Variants in ECT2 observed in about 807,000 individuals in gnomAD.
The protein encoded by ECT2 is epithelial cell transforming 2.
ECT2 carries 61 observed loss-of-function variants against 116.9 expected under a neutral mutation model. That is an observed-to-expected ratio of 0.52 (90% CI 0.42 to 0.65). The LOEUF (loss-of-function observed/expected upper bound fraction) is 0.65, where lower values mean the gene tolerates loss of function less well. Among genes scored for constraint, ECT2 ranks in the 30% least tolerant of loss-of-function variants. The pLI is 0.00. For synonymous variants in ECT2, 358 were observed against 346.4 expected, an observed-to-expected ratio of 1.03 and a Z score of -0.37; for missense variants, 937 against 1,078.7, an observed-to-expected ratio of 0.87 and a Z score of 1.84.
chr3:172,792,330 A>G (rs1311773708), intron 18 of ECT2, among the ~76,000 whole-genome samples: 1 of 152,238 alleles, frequency 6.6e-6, no homozygotes, highest in Admixed American at 6.5e-5. Flanking sequence ...AATCTGTGAA[A>G]CAACAACAGC....
chr3:172,814,466 C>A lies in ECT2; in HGVS notation c.2401-1138C>A, dbSNP rs138226024. ...GTCTTATAGTGCCAGCATAACAAGGCAATTTGGCTATTCATAGCCTAGATT... is the reference window on the plus strand; with the variant it reads ...GTCTTATAGTGCCAGCATAACAAGGAAATTTGGCTATTCATAGCCTAGATT... On this transcript the variant is annotated intron_variant, in intron 22 of 24. Coordinates refer to ENST00000392692, the MANE Select transcript of ECT2 (RefSeq NM_001258315.2). Among the ~76,000 whole-genome samples the A allele has an allele frequency of 2.0e-5, 3 of 151,986 alleles. 1 individual carries two copies. In the East Asian group the frequency reaches 5.8e-4, roughly 29 times the overall value.
At chr3:172,761,577 G>A in intron 7 of ECT2, 33 bp from the exon 8 acceptor site, 1 of 1,494,466 alleles carries the variant, frequency 6.7e-7, no homozygotes, top group Non-Finnish European at 9.3e-7. Flanking sequence ...AGTTATTTAA[G>A]GAGAAAATTC....
chr3:172,806,061 C>T (rs1052263319), intron 21 of ECT2, 192 bp downstream of exon 21: 17 of 543,024 alleles, frequency 3.1e-5, no homozygotes, highest in Non-Finnish European at 5.0e-5. Context: ...TTTGTTTTCT[C>T]AAATGAAAGT....
At chr3:172,758,060 A>G (rs1717420088) in intron 5 of ECT2, among the ~76,000 whole-genome samples, 1 of 151,956 alleles carries the variant, frequency 6.6e-6, no homozygotes. Flanking sequence ...GGATTTCACC[A>G]TGTTGGCCAG....
At chr3:172,798,653 G>C (rs969120577) in intron 18 of ECT2, among the ~76,000 whole-genome samples, 1 of 152,070 alleles carries the variant, frequency 6.6e-6, no homozygotes, top group Non-Finnish European at 1.5e-5. Context: ...TCTCTCTCAA[G>C]CTATCTATAA....
intron 22 of ECT2, among the ~76,000 whole-genome samples, chr3:172,813,528 T>G (rs1729144104): frequency 6.6e-6 from 1 of 152,086 alleles, no homozygotes. Flanking sequence ...GTTTAATATT[T>G]TCGTATACAA....
intron 18 of ECT2, among the ~76,000 whole-genome samples, chr3:172,798,632 A>G (rs1726169649): frequency 6.6e-6 from 1 of 152,190 alleles, no homozygotes; most frequent in Non-Finnish European, 1.5e-5. Context: ...TGTTTTCCAG[A>G]CTTAAGAAAA....
intron 13 of ECT2, 74 bp from the exon 14 acceptor site, chr3:172,773,829 C>G (rs1356360451): frequency 6.9e-7 from 1 of 1,445,590 alleles, no homozygotes; most frequent in Non-Finnish European, 9.5e-7. Context: ...CTTGTGTCTC[C>G]TTTATCACTG....
At chr3:172,826,139 C>T (rs530404093), downstream of ECT2, among the ~76,000 whole-genome samples, 3 of 152,292 alleles carry the variant, frequency 2.0e-5, no homozygotes, top group Admixed American at 6.5e-5. Context: ...AGGTCATCCG[C>T]CCACCTCGGC....
At chr3:172,776,273 GT>G (rs140531359) in intron 14 of ECT2, among the ~76,000 whole-genome samples, 4 of 115,156 alleles carry the variant, frequency 3.5e-5, no homozygotes, top group African/African-American at 1.4e-4. Context: ...GCAACTATTT[GT>G]TTTTTTTAGC....
intron 18 of ECT2, among the ~76,000 whole-genome samples, chr3:172,794,255 G>C (rs1725215217): frequency 1.3e-5 from 2 of 152,102 alleles, no homozygotes; most frequent in African/African-American, 4.8e-5. Flanking sequence ...TTAGGTGTAT[G>C]ATCCATTTTG....
chr3:172,824,986 G>C (rs1255915981), downstream of ECT2, among the ~76,000 whole-genome samples: 1 of 152,200 alleles, frequency 6.6e-6, no homozygotes, highest in Admixed American at 6.5e-5. Context: ...TTAGCAGATA[G>C]TGTGCTTTTG....
rs1481504450 is a variant in ECT2 at position 172,802,940 on chromosome 3, G to C, written c.2066G>C (p.Gly689Ala). 2 of 1,613,064 alleles carry C rather than the reference G, an allele frequency of 1.2e-6. No homozygotes were observed. Among genetic ancestry groups the C allele is most frequent in the Non-Finnish European group, 1.7e-6 (2 of 1,179,496 alleles). ...CTAGGTGAGCACCCCTGTGACAGAG[G>C]AGAACAAGTAACTCTCTTCCTCTTC... ...ISLGEHPCDRGEQVTLFLFND... is the reference protein window; with the variant it reads ...ISLGEHPCDRAEQVTLFLFND... Residue 689 changes from glycine (G) to alanine (A), a missense_variant, in exon 20 of 25, where the codon GGA (glycine) becomes GCA (alanine). Transcript: ENST00000392692.
intron 17 of ECT2, among the ~76,000 whole-genome samples, chr3:172,785,565 A>G (rs1242617017): frequency 1.3e-5 from 2 of 152,028 alleles, no homozygotes; most frequent in Non-Finnish European, 1.5e-5. Context: ...GAAAAAGTCT[A>G]TAATAAAAGA....
chr3:172,808,874 G>C (rs1461244230), intron 22 of ECT2, among the ~76,000 whole-genome samples: 2 of 152,192 alleles, frequency 1.3e-5, no homozygotes, highest in East Asian at 3.9e-4. Context: ...AAAGTATTTA[G>C]AACAATAATC....
chr3:172,810,073 C>CT (rs1450251109), intron 22 of ECT2, among the ~76,000 whole-genome samples: 3 of 152,156 alleles, frequency 2.0e-5, no homozygotes, highest in Non-Finnish European at 4.4e-5. Flanking sequence ...GGTCTGTACT[C>CT]TAACATTCAT....
chr3:172,758,468 T>TACACACACACACACAC (rs138087804), intron 5 of ECT2, among the ~76,000 whole-genome samples: 3,764 of 150,970 alleles, frequency 0.025, 73 homozygotes, highest in African/African-American at 0.053. Context: ...TTCTCTTTTA[T>TACACACACACACACAC]ACACACACAC....
chr3:172,783,861 A>C lies in ECT2; in HGVS notation c.1680A>C (p.Thr560=). 6.2e-7 allele frequency: 1 copy of C among 1,607,392 alleles called. No homozygotes were observed. Among genetic ancestry groups the C allele is most frequent in the Non-Finnish European group, 8.5e-7 (1 of 1,177,090 alleles). The stretch of plus-strand genomic sequence containing the variant: ...ACTTCTTTGAAATGAGCAAGGAAAC[A>C]ATTATTAAATGTGAAAAACAGAAAC... ...FVNFFEMSKE[T]IIKCEKQKPR... Residue 560 remains threonine (T), a synonymous_variant, in exon 16 of 25, where the codon ACA becomes ACC. Transcript: ENST00000392692.
Position 172,754,422 on chromosome 3 carries a change from A to G in ECT2, c.-22-87A>G, listed in dbSNP as rs999398323. 7.1e-6 allele frequency: 7 copies of G among 981,972 alleles called. No individual in the cohort carries two copies. The African/African-American group carries it at 1.2e-4, about 17-fold the overall frequency. 60.8% of individuals were successfully genotyped at this position (981,972 alleles called of 1,614,324 possible). A position where few individuals can be genotyped will look rare whatever the true frequency, so the allele number is the denominator to read the frequency against. ...AAAAAAATGGGTAATAATACTTTTTATAAATTCTAGGTAAAAAGAGCCTCT... is the reference window on the plus strand; with the variant it reads ...AAAAAAATGGGTAATAATACTTTTTGTAAATTCTAGGTAAAAAGAGCCTCT... On this transcript the variant is annotated intron_variant, in intron 1 of 24. Transcript: ENST00000392692.
Sources: gnomAD v4.1 joint callset for allele counts (sites outside exome capture counted in the v4.1 genomes callset) on GRCh38, gnomAD v4.1.1 for gene constraint, MANE v1.5 for transcripts, NCBI Gene and HGNC (gene_info 2026-07-23, HGNC 2026-07-21) for gene names.